The following KALRN variants were observed in gnomAD, a reference collection of about 807,000 sequenced individuals.
KALRN encodes the protein kalirin RhoGEF kinase.
KALRN carries 70 observed loss-of-function variants against 353.7 expected under a neutral mutation model. The ratio of observed to expected loss-of-function variants is 0.20; its 90% CI spans 0.16 to 0.24. The LOEUF (loss-of-function observed/expected upper bound fraction) is 0.24. Ranked by LOEUF, KALRN falls within the 10% of genes least tolerant of loss-of-function variation. The pLI, the probability that KALRN is intolerant of heterozygous loss-of-function variation, is 1.00. For synonymous variants in KALRN, 1,391 were observed against 1,434.8 expected, an observed-to-expected ratio of 0.97 and a Z score of 0.69; for missense variants, 2,791 against 3,756.7, an observed-to-expected ratio of 0.74 and a Z score of 6.72.
chr3:124,671,842 A>G lies in KALRN; in HGVS notation c.6886A>G (p.Asn2296Asp), dbSNP rs761308468. Residue 2296 changes from asparagine to aspartate, a missense_variant, in exon 48 of 60, where the codon AAT becomes GAT. Around this residue, in one of 11 missense-constraint regions of KALRN, gnomAD observed 1,065 missense variants for 1,156.4 expected, o/e 0.92. Coordinates refer to ENST00000682506, the MANE Select transcript of KALRN (RefSeq NM_001388419.1). ...GCCTCCCCTGAAGATATCTACCTCC[A>G]ATGGCAGTCCAGGGTTTGAATACCA... is the stretch of plus-strand genomic sequence containing the variant. ...PLPPLKISTSNGSPGFEYHQP... is the reference protein window; with the variant it reads ...PLPPLKISTSDGSPGFEYHQP... The G allele has an allele frequency of 1.2e-6, 2 of 1,614,164 alleles. No homozygotes were observed. The highest frequency in any genetic ancestry group is 1.3e-5 in the African/African-American group (1 of 75,048).
chr3:124,041,712 C>T (rs1249155806), intron 1 of KALRN, among the ~76,000 whole-genome samples: 1 of 152,188 alleles, frequency 6.6e-6, no homozygotes, highest in Non-Finnish European at 1.5e-5. Flanking sequence ...TGCCTTTTCT[C>T]TGGATGCAGA....
At chr3:124,393,981 A>G (rs974841395) in intron 11 of KALRN, among the ~76,000 whole-genome samples, 9 of 152,190 alleles carry the variant, frequency 5.9e-5, no homozygotes, top group Admixed American at 1.3e-4. Flanking sequence ...CTGAGAACCA[A>G]CTCGATGAAA....
intron 1 of KALRN, among the ~76,000 whole-genome samples, chr3:124,206,253 G>C (rs2076400621): frequency 6.6e-6 from 1 of 152,152 alleles, no homozygotes; most frequent in Non-Finnish European, 1.5e-5. Context: ...TGCTCATAGG[G>C]CCTCAGAGTC....
At chr3:124,536,089 TG>T (rs1490808896) in intron 33 of KALRN, among the ~76,000 whole-genome samples, 3 of 152,012 alleles carry the variant, frequency 2.0e-5, no homozygotes, top group Non-Finnish European at 4.4e-5. Context: ...AGTCTTTTAC[TG>T]GGTAACAATG....
intron 34 of KALRN, among the ~76,000 whole-genome samples, chr3:124,617,724 G>A (rs1486592406): frequency 6.6e-6 from 1 of 152,060 alleles, no homozygotes; most frequent in Non-Finnish European, 1.5e-5. Context: ...TCTGGAGTAG[G>A]GCCCAAGAAT....
rs922993176 is a variant in KALRN at position 124,224,119 on chromosome 3, G to A, written c.74-3871G>A. 2.6e-5 allele frequency among the ~76,000 whole-genome samples: 4 copies of A among 151,216 alleles called. No individual in the cohort carries two copies. In the South Asian group the frequency reaches 8.4e-4, roughly 32 times the overall value. On this transcript the variant is annotated intron_variant, in intron 1 of 59. Transcript: ENST00000682506. Reference sequence around the variant, plus strand: ...AAGAGGCACAACACCCACCACCCACGTTGGGTCAGGTCCATGAAGGTGCCA... The same window carrying A: ...AAGAGGCACAACACCCACCACCCACATTGGGTCAGGTCCATGAAGGTGCCA...
intron 6 of KALRN, among the ~76,000 whole-genome samples, chr3:124,305,908 AAC>A (rs2077654699): frequency 6.6e-6 from 1 of 152,112 alleles, no homozygotes; most frequent in African/African-American, 2.4e-5. Flanking sequence ...AAAAATAAAA[AAC>A]AGTCAATAGA....
intron 54 of KALRN, among the ~76,000 whole-genome samples, chr3:124,696,682 A>G (rs768094921): frequency 3.3e-5 from 5 of 152,074 alleles, no homozygotes; most frequent in Admixed American, 6.5e-5. Flanking sequence ...TGCCCATCCC[A>G]TCTGAACCAT....
chr3:124,347,371 CTGTGTGTG>C (rs10663884), intron 10 of KALRN, 106 bp downstream of exon 10: 12 of 564,074 alleles, frequency 2.1e-5, no homozygotes, highest in African/African-American at 2.0e-4. Flanking sequence ...AGGTGAGAAG[CTGTGTGTG>C]TGTGTGTGTG....
intron 34 of KALRN, among the ~76,000 whole-genome samples, chr3:124,607,222 A>G (rs914287834): frequency 1.3e-5 from 2 of 152,250 alleles, no homozygotes; most frequent in Non-Finnish European, 2.9e-5. Flanking sequence ...CATCTGAAAC[A>G]AACAGCAAAA....
intron 6 of KALRN, among the ~76,000 whole-genome samples, chr3:124,316,304 C>T (rs772200532): frequency 4.6e-5 from 7 of 152,144 alleles, no homozygotes; most frequent in Admixed American, 3.9e-4. Context: ...AGTCCATTCT[C>T]GACCCACAGC....
At position 124,102,030 on chromosome 3, in the gene KALRN, C is replaced by T. The variant is rs564806765; in HGVS notation, c.73+68217C>T. On this transcript the variant is annotated intron_variant, in intron 1 of 59. Coordinates refer to ENST00000682506, the MANE Select transcript of KALRN (RefSeq NM_001388419.1). ...AAGCACGCAGCATGTGTATGAAAAG[C>T]ACATTGGGTGATTCTGCTGTGCTAG... Among the ~76,000 whole-genome samples, 32 of 152,238 alleles carry T rather than the reference C, an allele frequency of 2.1e-4. 1 individual carries two copies. In the South Asian group the frequency reaches 6.4e-3, roughly 31 times the overall value.
chr3:124,297,364 T>C (rs1416388604), intron 5 of KALRN, among the ~76,000 whole-genome samples: 2 of 152,242 alleles, frequency 1.3e-5, no homozygotes, highest in Admixed American at 1.3e-4. Context: ...GCTTAAGTAG[T>C]GCAGTTCTCT....
At chr3:124,510,229 C>T (rs371442688) in intron 33 of KALRN, among the ~76,000 whole-genome samples, 42 of 152,226 alleles carry the variant, frequency 2.8e-4, no homozygotes, top group East Asian at 1.4e-3. Context: ...GAATGTTCCA[C>T]GTTAGATTTT....
At chr3:124,306,855 G>A (rs2077754296) in intron 6 of KALRN, among the ~76,000 whole-genome samples, 1 of 152,154 alleles carries the variant, frequency 6.6e-6, no homozygotes. Flanking sequence ...ATTAAAAAGT[G>A]CTCAAAGGAA....
At chr3:124,262,511 G>A (rs1421497485) in intron 3 of KALRN, among the ~76,000 whole-genome samples, 3 of 152,228 alleles carry the variant, frequency 2.0e-5, no homozygotes, top group African/African-American at 7.2e-5. Flanking sequence ...GCCACTCATT[G>A]TTTCAATAAG....
intron 1 of KALRN, among the ~76,000 whole-genome samples, chr3:124,154,793 G>A (rs1270784971): frequency 1.2e-4 from 18 of 152,096 alleles, no homozygotes; most frequent in East Asian, 5.8e-4. Flanking sequence ...AAAAGAGCCC[G>A]CATCGCCAAG....
At chr3:124,248,687 C>G (rs1201297475) in intron 3 of KALRN, among the ~76,000 whole-genome samples, 3 of 152,352 alleles carry the variant, frequency 2.0e-5, no homozygotes, top group African/African-American at 7.2e-5. Context: ...TCAGAGCCTC[C>G]TTCCTCTCTG....
intron 1 of KALRN, among the ~76,000 whole-genome samples, chr3:124,144,471 T>C (rs2067030207): frequency 6.6e-6 from 1 of 152,066 alleles, no homozygotes; most frequent in Non-Finnish European, 1.5e-5. Context: ...CACTTCCTTG[T>C]CATTGTCACC....
Sources: gnomAD v4.1 joint callset for allele counts (sites outside exome capture counted in the v4.1 genomes callset) on GRCh38, gnomAD v4.1.1 for gene constraint, gnomAD v4.1.1 regional missense constraint, MANE v1.5 for transcripts, NCBI Gene and HGNC (gene_info 2026-07-23, HGNC 2026-07-21) for gene names.